Variants in FNDC3A observed in about 807,000 individuals in gnomAD.
The protein encoded by FNDC3A is fibronectin type-III domain-containing protein 3A.
FNDC3A carries 32 observed loss-of-function variants against 148.9 expected under a neutral mutation model. That is an observed-to-expected ratio of 0.21 (90% CI 0.16 to 0.29). FNDC3A has a LOEUF of 0.29. Among genes scored for constraint, FNDC3A ranks in the 10% least tolerant of loss-of-function variants. The probability of loss-of-function intolerance (pLI) is 1.00; values close to 1 mark genes in which losing one functional copy is unlikely to be tolerated. For missense variants in FNDC3A, 1,191 were observed against 1,452.8 expected (o/e 0.82, Z 2.93); for synonymous variants, 472 against 473.6 (o/e 1.00, Z 0.04).
intron 1 of FNDC3A, among the ~76,000 whole-genome samples, chr13:48,981,403 T>A (rs939955237): frequency 6.6e-6 from 1 of 152,026 alleles, no homozygotes; most frequent in Non-Finnish European, 1.5e-5. Context: ...CACAGAGATG[T>A]TGGAAACTAT....
chr13:49,011,561 T>G (rs1052703110), intron 2 of FNDC3A, among the ~76,000 whole-genome samples: 1 of 152,162 alleles, frequency 6.6e-6, no homozygotes, highest in Non-Finnish European at 1.5e-5. Context: ...ATGGACAGTC[T>G]TTAATTTTAA....
intron 3 of FNDC3A, among the ~76,000 whole-genome samples, chr13:49,102,870 A>G (rs1192788335): frequency 6.6e-6 from 1 of 152,184 alleles, no homozygotes; most frequent in South Asian, 2.1e-4. Flanking sequence ...ATTATCTCAG[A>G]TATTTTGCAG....
chr13:49,019,296 ATCTTCTGGTGCGCCGTTTTTTAAGCCCG>A (rs1873102754), intron 2 of FNDC3A, among the ~76,000 whole-genome samples: 1 of 152,196 alleles, frequency 6.6e-6, no homozygotes, highest in African/African-American at 2.4e-5. Context: ...GCGGGATATA[ATCTTCTGGTGCGCCGTTTTTTAAGCCCG>A]TCGGAAAAGC....
intron 19 of FNDC3A, among the ~76,000 whole-genome samples, chr13:49,191,773 A>G (rs1555304662): frequency 6.6e-6 from 1 of 152,226 alleles, no homozygotes; most frequent in Non-Finnish European, 1.5e-5. Context: ...AGGCTAAAGT[A>G]GCATTTACTT....
Position 49,207,327 on chromosome 13 carries a change from A to C in FNDC3A, c.3529A>C (p.Ile1177Leu). The C allele has an allele frequency of 6.2e-7, 1 of 1,614,012 alleles. No homozygotes were observed. Among genetic ancestry groups the C allele is most frequent in the Non-Finnish European group, 8.5e-7 (1 of 1,179,858 alleles). Residue 1177 changes from isoleucine (I) to leucine (L), a missense_variant, in exon 26 of 26, where the codon ATC (isoleucine) becomes CTC (leucine). Ile to Leu is a conservative substitution (Grantham distance 5). Transcript: ENST00000492622. Reference sequence around the variant, plus strand: ...GAGTGACGAGCAGTGTGCTGCCGTCATCCTTGTGCTGTTTGCTTTCTTTTC... The same window carrying C: ...GAGTGACGAGCAGTGTGCTGCCGTCCTCCTTGTGCTGTTTGCTTTCTTTTC... ...ALSDEQCAAV[I>L]LVLFAFFSIL...
At chr13:49,021,195 A>G (rs2026029) in intron 2 of FNDC3A, among the ~76,000 whole-genome samples, 88,084 of 152,106 alleles carry the variant, frequency 0.58, 27,164 homozygotes, top group Non-Finnish European at 0.68. Flanking sequence ...ACTTGAACAC[A>G]CTAGAGCTTT....
intron 1 of FNDC3A, chr13:48,976,857 G>C (rs1280484011): frequency 6.6e-6 from 1 of 152,232 alleles, no homozygotes; most frequent in Non-Finnish European, 1.5e-5. Flanking sequence ...TCCTCGCCCG[G>C]TTTTAACAAC....
rs146954932 is a variant in FNDC3A, at chr13:48,981,754, A to C, written c.-40+5577A>C. On this transcript the variant is annotated intron_variant, in intron 1 of 25. Coordinates refer to ENST00000492622, the MANE Select transcript of FNDC3A (RefSeq NM_001079673.2). ...AATACAAAGTGCAATGTATACTTTGAAGTAAGCCTTGGTGTAAAAGTTACC... is the reference window on the plus strand; with the variant it reads ...AATACAAAGTGCAATGTATACTTTGCAGTAAGCCTTGGTGTAAAAGTTACC... 1.7e-3 allele frequency among the ~76,000 whole-genome samples: 264 copies of C among 152,224 alleles called. 2 individuals are homozygous for C. Among genetic ancestry groups the C allele is most frequent in the Non-Finnish European group, 2.2e-3 (148 of 67,968 alleles).
chr13:49,075,193 A>T, intron 2 of FNDC3A, 96 bp from the exon 3 acceptor site: 7 of 610,618 alleles, frequency 1.1e-5, no homozygotes, highest in Non-Finnish European at 2.0e-5. Flanking sequence ...TCCCAGTTTC[A>T]TAAGGTTAAA....
intron 3 of FNDC3A, among the ~76,000 whole-genome samples, chr13:49,086,876 A>G (rs1037377960): frequency 3.9e-5 from 6 of 152,138 alleles, no homozygotes; most frequent in African/African-American, 1.2e-4. Context: ...TTAATGAGTC[A>G]TGTTTGTAAA....
intron 3 of FNDC3A, among the ~76,000 whole-genome samples, chr13:49,076,527 G>A (rs960117628): frequency 6.6e-6 from 1 of 151,666 alleles, no homozygotes; most frequent in African/African-American, 2.4e-5. Flanking sequence ...TTACAGACGT[G>A]AGCCTCTGTA....
chr13:49,021,047 G>GAATTTC (rs1442898039), intron 2 of FNDC3A, among the ~76,000 whole-genome samples: 2 of 152,168 alleles, frequency 1.3e-5, no homozygotes, highest in Non-Finnish European at 2.9e-5. Flanking sequence ...CATACTGAGA[G>GAATTTC]AATTTCAATT....
intron 2 of FNDC3A, among the ~76,000 whole-genome samples, chr13:49,027,405 C>A (rs573315991): frequency 3.9e-5 from 6 of 152,004 alleles, no homozygotes; most frequent in African/African-American, 1.4e-4. Context: ...TGAGTAGATA[C>A]GAAGAAATAA....
intron 1 of FNDC3A, among the ~76,000 whole-genome samples, chr13:48,980,674 A>G (rs1951678218): frequency 1.3e-5 from 2 of 152,182 alleles, no homozygotes; most frequent in African/African-American, 4.8e-5. Flanking sequence ...ATAGATATCT[A>G]TTTCTAAGGC....
At position 49,034,603 on chromosome 13, in the gene FNDC3A, G is replaced by A. The variant is rs117945833; in HGVS notation, c.99+28314G>A. Among the ~76,000 whole-genome samples, 396 of 152,042 alleles carry A rather than the reference G, an allele frequency of 2.6e-3. 10 individuals are homozygous for A. The East Asian group carries it at 0.041, about 16-fold the overall frequency. On this transcript the variant is annotated intron_variant, in intron 2 of 25. Transcript: ENST00000492622. Reference sequence around the variant, plus strand: ...AACTTGTGTTTTTGAGTTTTAATAAGCATAATGAATTGCTTTTGATATATT... The same window carrying A: ...AACTTGTGTTTTTGAGTTTTAATAAACATAATGAATTGCTTTTGATATATT...
intron 2 of FNDC3A, among the ~76,000 whole-genome samples, chr13:49,038,759 G>A (rs4942799): frequency 0.58 from 88,420 of 152,026 alleles, 27,253 homozygotes; most frequent in Non-Finnish European, 0.68. Flanking sequence ...GTTGTTCTCA[G>A]ACCTAACAAT....
chr13:49,204,777 C>T (rs1045865724), intron 25 of FNDC3A, among the ~76,000 whole-genome samples: 1 of 152,108 alleles, frequency 6.6e-6, no homozygotes, highest in African/African-American at 2.4e-5. Flanking sequence ...TTCTTCAGTC[C>T]TGTATTTACA....
At chr13:49,111,397 A>G (rs974678289) in intron 3 of FNDC3A, among the ~76,000 whole-genome samples, 1 of 152,166 alleles carries the variant, frequency 6.6e-6, no homozygotes, top group African/African-American at 2.4e-5. Flanking sequence ...GCAATATTTT[A>G]GGCATTAAAT....
intron 4 of FNDC3A, among the ~76,000 whole-genome samples, chr13:49,126,596 G>C (rs1453712112): frequency 6.6e-6 from 1 of 152,064 alleles, no homozygotes; most frequent in Admixed American, 6.6e-5. Context: ...AAAGACACTA[G>C]AAGACCTATG....
Sources: allele counts gnomAD v4.1 joint callset (sites outside exome capture counted in the v4.1 genomes callset), GRCh38; gene constraint gnomAD v4.1.1; transcripts MANE v1.5; gene names NCBI Gene and HGNC (gene_info 2026-07-23, HGNC 2026-07-21).